The following IGSF9B variants were observed in gnomAD, a reference collection of about 807,000 sequenced individuals.
IGSF9B encodes protein turtle homolog B.
A neutral mutation model predicts 143.7 loss-of-function variants in IGSF9B; 48 were observed. That is an observed-to-expected ratio of 0.33 (90% CI 0.26 to 0.42). The LOEUF is 0.42. Ranked by LOEUF, IGSF9B falls within the 20% of genes least tolerant of loss-of-function variation. IGSF9B has a pLI of 1.00. For synonymous variants in IGSF9B, 903 were observed against 833.1 expected, an observed-to-expected ratio of 1.08 and a Z score of -1.44; for missense variants, 1,706 against 1,980.0, an observed-to-expected ratio of 0.86 and a Z score of 2.63.
chr11:133,952,156 A>G (rs1307934427), intron 1 of IGSF9B: 5 of 419,660 alleles, frequency 1.2e-5, no homozygotes, highest in Middle Eastern at 3.5e-4. Flanking sequence ...TATTCACGCA[A>G]GAGAGAACAG....
chr11:133,918,943 G>A, intron 18 of IGSF9B: 1 of 465,002 alleles, frequency 2.2e-6, no homozygotes, highest in South Asian at 1.5e-5. Context: ...AGGAAGGAGG[G>A]GCAGGGGGAG....
At chr11:133,938,197 C>T (rs540332403) in intron 3 of IGSF9B, 61 of 507,314 alleles carry the variant, frequency 1.2e-4, no homozygotes, top group African/African-American at 7.7e-4. Context: ...CCCAGGTCAC[C>T]GATGTTAACT....
chr11:133,918,659 T>G (rs1591709997), intron 18 of IGSF9B, among the ~76,000 whole-genome samples: 1 of 143,226 alleles, frequency 7.0e-6, no homozygotes, highest in African/African-American at 2.5e-5. Flanking sequence ...CCAGGGAGGG[T>G]GGGGGACGGG....
At chr11:133,932,413 G>A (rs1333171588) in intron 7 of IGSF9B, among the ~76,000 whole-genome samples, 200 bp from the exon 8 acceptor site, 1 of 148,168 alleles carries the variant, frequency 6.7e-6, no homozygotes, top group Non-Finnish European at 1.5e-5. Flanking sequence ...CCAGGTGGGA[G>A]AGCAGACAGA....
chr11:133,940,213 CTCGCACGCGTCA>C (rs1413523827), intron 3 of IGSF9B, among the ~76,000 whole-genome samples: 4 of 143,028 alleles, frequency 2.8e-5, no homozygotes, highest in Non-Finnish European at 6.1e-5. Context: ...CTCGCACATC[CTCGCACGCGTCA>C]TCGCACGCAA....
At position 133,907,295 on chromosome 11, in the gene IGSF9B, C is replaced by T. The variant is rs769430650; in HGVS notation, c.*1774G>A. 3.3e-5 allele frequency among the ~76,000 whole-genome samples: 5 copies of T among 152,298 alleles called. No individual in the cohort carries two copies. The highest frequency in any genetic ancestry group is 4.1e-4 in the South Asian group (2 of 4,826). ...AGAAGTCCATCCCCTAAGATGGAAA[C>T]GCCAAGAAGAGACAGCAGCCATCCA... is the stretch of plus-strand genomic sequence containing the variant. On this transcript the variant is annotated 3_prime_UTR_variant, in exon 20 of 20. Coordinates refer to ENST00000533871, the MANE Select transcript of IGSF9B (RefSeq NM_001277285.4).
rs1247863222 is a variant in IGSF9B, at chr11:133,905,843, C to T, written c.*3226G>A. The stretch of plus-strand genomic sequence containing the variant: ...CCGCTCAGCACCAGGGAGCCCACGG[C>T]AGCCCACCAGCAAATCAAGACAGGC... On this transcript the variant is annotated 3_prime_UTR_variant, in exon 20 of 20. Transcript: ENST00000533871. This position sits in a 1 kb window ranked among gnomAD's most constrained non-coding sequence, Gnocchi z 4.0. 1.3e-5 allele frequency among the ~76,000 whole-genome samples: 2 copies of T among 152,246 alleles called. No homozygotes were observed. The highest frequency in any genetic ancestry group is 2.4e-5 in the African/African-American group (1 of 41,468).
chr11:133,915,032 G>A (rs775566695), intron 18 of IGSF9B, among the ~76,000 whole-genome samples: 1 of 152,246 alleles, frequency 6.6e-6, no homozygotes, highest in Middle Eastern at 3.4e-3. Flanking sequence ...ATCCATAGAT[G>A]ATGCCATTAC....
At chr11:133,949,347 C>T (rs759215908) in intron 1 of IGSF9B, among the ~76,000 whole-genome samples, 9 of 152,156 alleles carry the variant, frequency 5.9e-5, no homozygotes, top group Non-Finnish European at 1.0e-4. Flanking sequence ...CACACACGCA[C>T]GGCATATTCT....
chr11:133,919,918 G>A lies in IGSF9B; in HGVS notation c.3807C>T (p.Tyr1269=). 6.4e-7 allele frequency: 1 copy of A among 1,564,134 alleles called. No homozygotes were observed. The highest frequency in any genetic ancestry group is 1.9e-5 in the Admixed American group (1 of 52,570). Residue 1269 remains tyrosine (Y), a synonymous_variant, in exon 18 of 20, where the codon TAC becomes TAT. Transcript: ENST00000533871. ...GAGTGGTGAAGCCCATGGCGGGCCG[G>A]TAGCTGGGACTCCCACTGCGGCTGC... ...SQSSRSGSPS[Y]RPAMGFTTLA...
chr11:133,927,570 G>C (rs754295844), intron 12 of IGSF9B, among the ~76,000 whole-genome samples: 2 of 152,238 alleles, frequency 1.3e-5, no homozygotes, highest in Non-Finnish European at 2.9e-5. Context: ...CATCCAATCA[G>C]ACTGGAGTCA....
chr11:133,924,894 T>C lies in IGSF9B; in HGVS notation c.2045A>G (p.Tyr682Cys). The part of the protein sequence containing the change: ...FAKDLSQDTW[Y>C]EFRVLAVMQD... ...CATGACGGCCAGAACCCGGAACTCA[T>C]ACCACGTGTCCTGCAGCCCCAGGGA... is the stretch of plus-strand genomic sequence containing the variant. The change falls in exon 15 of 20, where the codon TAT becomes TGT. Residue 682 changes from tyrosine to cysteine, a missense_variant. Around this residue, in one of 7 missense-constraint regions of IGSF9B, gnomAD observed 267 missense variants for 321.1 expected, o/e 0.83. Transcript: ENST00000533871. The C allele has an allele frequency of 6.2e-7, 1 of 1,613,660 alleles. No homozygotes were observed. Among genetic ancestry groups the C allele is most frequent in the Non-Finnish European group, 8.5e-7 (1 of 1,179,864 alleles).
chr11:133,927,440 T>C (rs1457345130), intron 12 of IGSF9B, among the ~76,000 whole-genome samples: 1 of 152,134 alleles, frequency 6.6e-6, no homozygotes, highest in African/African-American at 2.4e-5. Context: ...AGAGTAAGGC[T>C]CTGGGGTATG....
intron 3 of IGSF9B, among the ~76,000 whole-genome samples, chr11:133,943,455 C>T (rs561445537): frequency 3.4e-4 from 52 of 152,258 alleles, no homozygotes; most frequent in Non-Finnish European, 5.7e-4. Context: ...AGGGAGACCC[C>T]GAGGACCCAG....
rs182094845 is a variant in IGSF9B at position 133,930,282 on chromosome 11, G to A, written c.1520-500C>T. 1.3e-4 allele frequency among the ~76,000 whole-genome samples: 20 copies of A among 152,260 alleles called. 1 individual carries two copies. In the East Asian group the frequency reaches 1.9e-3, roughly 15 times the overall value. The stretch of plus-strand genomic sequence containing the variant: ...CACTACTTCTTAGCGATGTGACGCC[G>A]GAGAAAGCATTCGGGCCACGGCAAC... On this transcript the variant is annotated intron_variant, in intron 11 of 19. Transcript: ENST00000533871.
Position 133,898,411 on chromosome 11 carries a change from A to G in IGSF9B, c.*10658T>C, listed in dbSNP as rs1939058417. 6.5e-6 allele frequency: 1 copy of G among 153,230 alleles called. No homozygotes were observed. The allele number at this position is 153,230 out of a possible 1,614,324, so 9.5% of individuals were successfully genotyped here. Reference sequence around the variant, plus strand: ...TCAGACCACCAGGTGAAATGGAGGAAAGAAGCTCATCTAAAACTTGCCCCC... The same window carrying G: ...TCAGACCACCAGGTGAAATGGAGGAGAGAAGCTCATCTAAAACTTGCCCCC... On this transcript the variant is annotated 3_prime_UTR_variant, in exon 20 of 20. Transcript: ENST00000533871.
Position 133,920,818 on chromosome 11 carries a change from G to A in IGSF9B, c.2907C>T (p.Tyr969=), listed in dbSNP as rs1232172999. The A allele has an allele frequency of 6.2e-7, 1 of 1,605,828 alleles. No individual in the cohort carries two copies. The highest frequency in any genetic ancestry group is 8.5e-7 in the Non-Finnish European group (1 of 1,176,240). The change falls in exon 18 of 20, where the codon TAC becomes TAT. Residue 969 remains tyrosine, a synonymous_variant. Coordinates refer to ENST00000533871, the MANE Select transcript of IGSF9B (RefSeq NM_001277285.4). The part of the protein sequence containing the change: ...RPFHHGQYYG[Y]LSSSSPGEVE... ...CCTCCCCAGGGCTGCTGCTGCTGAG[G>A]TACCCATAATACTGGCCATGGTGGA...
At chr11:133,910,379 AAC>A (rs1939282918) in intron 19 of IGSF9B, among the ~76,000 whole-genome samples, 1 of 152,224 alleles carries the variant, frequency 6.6e-6, no homozygotes, top group African/African-American at 2.4e-5. Context: ...AGTGACTCAG[AAC>A]ACAGAGTTAG....
intron 1 of IGSF9B, among the ~76,000 whole-genome samples, chr11:133,951,027 C>T (rs188643126): frequency 6.6e-6 from 1 of 152,170 alleles, no homozygotes; most frequent in African/African-American, 2.4e-5. Flanking sequence ...AGTCCCCCAA[C>T]CCCTCCTCCC....
Sources: gnomAD v4.1 joint callset for allele counts (sites outside exome capture counted in the v4.1 genomes callset) on GRCh38, gnomAD v4.1.1 for gene constraint, gnomAD v4.1.1 regional missense constraint, Gnocchi (gnomAD v3.1) non-coding constraint, MANE v1.5 for transcripts, NCBI Gene and HGNC (gene_info 2026-07-23, HGNC 2026-07-21) for gene names.